ENTPD1: variants seen among roughly 807,000 people sequenced by gnomAD.
ENTPD1 encodes the protein ectonucleoside triphosphate diphosphohydrolase 1.
A neutral mutation model predicts 57.0 loss-of-function variants in ENTPD1; 33 were observed. The ratio of observed to expected loss-of-function variants is 0.58; its 90% CI spans 0.44 to 0.77. ENTPD1 has a LOEUF of 0.77. Ranked by LOEUF, ENTPD1 falls within the 30% of genes least tolerant of loss-of-function variation. The probability of loss-of-function intolerance (pLI) is 0.00; values close to 1 mark genes in which losing one functional copy is unlikely to be tolerated. For synonymous variants in ENTPD1, 202 were observed against 218.8 expected (o/e 0.92, Z 0.68); for missense variants, 501 against 603.4 (o/e 0.83, Z 1.78).
chr10:95,708,891 C>T (rs969822245), upstream of ENTPD1, among the ~76,000 whole-genome samples: 83 of 152,220 alleles, frequency 5.5e-4, no homozygotes, highest in African/African-American at 1.9e-3. Flanking sequence ...ATAATAATTT[C>T]GTGAAAAAAA....
intron 6 of ENTPD1, chr10:95,845,916 T>A (rs568737789): frequency 5.4e-6 from 2 of 373,610 alleles, no homozygotes; most frequent in Non-Finnish European, 9.9e-6. Flanking sequence ...GGAATTGCAA[T>A]TTATAAGCTC....
intron 1 of ENTPD1, among the ~76,000 whole-genome samples, chr10:95,822,972 C>T (rs975438395): frequency 2.6e-5 from 4 of 152,210 alleles, no homozygotes; most frequent in Admixed American, 6.5e-5. Context: ...TCTTCTCACT[C>T]CTCATTCCAT....
At chr10:95,760,365 A>T (rs1362222782) in intron 1 of ENTPD1, among the ~76,000 whole-genome samples, 1 of 152,052 alleles carries the variant, frequency 6.6e-6, no homozygotes, top group Non-Finnish European at 1.5e-5. Context: ...TTTTACCTTA[A>T]CTATAGTGTA....
At chr10:95,745,784 G>T (rs560051604) in intron 1 of ENTPD1, among the ~76,000 whole-genome samples, 16 of 152,282 alleles carry the variant, frequency 1.1e-4, no homozygotes, top group African/African-American at 3.1e-4. Context: ...TGTCTGCTGT[G>T]CTTGAAGCTG....
intron 3 of ENTPD1, among the ~76,000 whole-genome samples, chr10:95,841,902 G>C (rs768041475): frequency 9.8e-5 from 15 of 152,314 alleles, no homozygotes; most frequent in Admixed American, 2.6e-4. Context: ...CAGATAACTA[G>C]TTAGTGGCAG....
chr10:95,704,501 G>A, the ENTPD1 span, among the ~76,000 whole-genome samples: 10 of 152,176 alleles, frequency 6.6e-5, no homozygotes, highest in South Asian at 2.1e-4. Flanking sequence ...CACATATGTA[G>A]TCACTTGATT....
intron 1 of ENTPD1, among the ~76,000 whole-genome samples, chr10:95,802,312 A>C (rs1342932673): frequency 6.6e-6 from 1 of 152,172 alleles, no homozygotes; most frequent in Non-Finnish European, 1.5e-5. Context: ...GTGGAGACCA[A>C]GTTTTATTTT....
chr10:95,774,142 G>T (rs1478003839), intron 1 of ENTPD1, among the ~76,000 whole-genome samples: 1 of 152,216 alleles, frequency 6.6e-6, no homozygotes, highest in Non-Finnish European at 1.5e-5. Context: ...CTTTTGAGAA[G>T]TGTCTGTTCA....
At chr10:95,807,480 C>T (rs1370677323) in intron 1 of ENTPD1, among the ~76,000 whole-genome samples, 2 of 152,204 alleles carry the variant, frequency 1.3e-5, no homozygotes, top group African/African-American at 4.8e-5. Flanking sequence ...GAGGCGATGC[C>T]CCGCCCTGCT....
chr10:95,740,603 G>A (rs2097999367), intron 1 of ENTPD1, among the ~76,000 whole-genome samples: 1 of 152,180 alleles, frequency 6.6e-6, no homozygotes, highest in Non-Finnish European at 1.5e-5. Flanking sequence ...GGCCCCCAGA[G>A]GATGAAGGGC....
chr10:95,704,918 A>T, the ENTPD1 span, among the ~76,000 whole-genome samples: 1 of 151,786 alleles, frequency 6.6e-6, no homozygotes, highest in Non-Finnish European at 1.5e-5. Flanking sequence ...AAAAAGAAGG[A>T]TGTGTACCCA....
At chr10:95,787,011 T>C (rs2098182622) in intron 1 of ENTPD1, among the ~76,000 whole-genome samples, 1 of 152,192 alleles carries the variant, frequency 6.6e-6, no homozygotes, top group Non-Finnish European at 1.5e-5. Flanking sequence ...GTAGAAAAGG[T>C]GACTTACTCA....
chr10:95,700,249 A>G, the ENTPD1 span, among the ~76,000 whole-genome samples: 2 of 152,192 alleles, frequency 1.3e-5, no homozygotes, highest in Non-Finnish European at 2.9e-5. Flanking sequence ...GAAGATAAAT[A>G]TAAGGACATC....
intron 1 of ENTPD1, among the ~76,000 whole-genome samples, chr10:95,779,383 G>A (rs10882664): frequency 0.23 from 35,367 of 151,974 alleles, 4,885 homozygotes; most frequent in African/African-American, 0.38. Context: ...TTTTTGGAAC[G>A]CTTTGGACCA....
At chr10:95,776,357 T>G (rs1461097050) in intron 1 of ENTPD1, among the ~76,000 whole-genome samples, 2 of 152,208 alleles carry the variant, frequency 1.3e-5, no homozygotes, top group Admixed American at 6.5e-5. Flanking sequence ...CTCTCAGCAT[T>G]TGCTTGTCTG....
intron 7 of ENTPD1, among the ~76,000 whole-genome samples, chr10:95,859,571 A>T (rs1267198664): frequency 1.3e-5 from 2 of 152,170 alleles, no homozygotes; most frequent in Non-Finnish European, 2.9e-5. Flanking sequence ...AATATCCAAC[A>T]TGATTTCCCC....
chr10:95,770,061 T>G (rs575971551), intron 1 of ENTPD1, among the ~76,000 whole-genome samples: 1 of 151,944 alleles, frequency 6.6e-6, no homozygotes, highest in East Asian at 1.9e-4. Flanking sequence ...AGATACAAAT[T>G]TAGGTCATCA....
chr10:95,875,370 A>C lies in ENTPD1; in HGVS notation c.*8987A>C, dbSNP rs1424621619. On this transcript the variant is annotated 3_prime_UTR_variant, in exon 10 of 10. Transcript: ENST00000371205. The stretch of plus-strand genomic sequence containing the variant: ...GAAATGCTGCCAGTCTCCTTGCTAA[A>C]ACATAACAAGGGTCACCTTTACTTC... The C allele has an allele frequency of 6.6e-6, 1 of 152,280 alleles. No homozygotes were observed. The highest frequency in any genetic ancestry group is 6.5e-5 in the Admixed American group (1 of 15,286). 9.4% of individuals were successfully genotyped at this position (152,280 alleles called of 1,614,324 possible).
At position 95,760,814 on chromosome 10, in the gene ENTPD1, C is replaced by CTTTTTTTTTTTTTTTTTTTTTT. The variant is rs71034350; in HGVS notation, c.16+4571_16+4592dup. Among the ~76,000 whole-genome samples the CTTTTTTTTTTTTTTTTTTTTTT allele has an allele frequency of 1.4e-4, 9 of 62,972 alleles. 1 individual carries two copies. Among genetic ancestry groups the CTTTTTTTTTTTTTTTTTTTTTT allele is most frequent in the East Asian group, 6.6e-4 (1 of 1,512 alleles). 41.3% of individuals were successfully genotyped at this position (62,972 alleles called of 152,430 possible). On this transcript the variant is annotated intron_variant, in intron 1 of 9. Coordinates refer to ENST00000371205, the MANE Select transcript of ENTPD1 (RefSeq NM_001776.6). Reference sequence around the variant, plus strand: ...TGGAGTAAATTACATAGAGTTTATTCTTTTTTTTTTTTTTTTTTTTTTTTT... The same window carrying CTTTTTTTTTTTTTTTTTTTTTT: ...TGGAGTAAATTACATAGAGTTTATTCTTTTTTTTTTTTTTTTTTTTTTTTTTTTTTTTTTTTTTTTTTTTTTT...
Sources: gnomAD v4.1 joint callset for allele counts (sites outside exome capture counted in the v4.1 genomes callset) on GRCh38, gnomAD v4.1.1 for gene constraint, MANE v1.5 for transcripts, NCBI Gene and HGNC (gene_info 2026-07-23, HGNC 2026-07-21) for gene names.